Variants in CCDC154 observed in about 807,000 individuals in gnomAD.
The protein encoded by CCDC154 is coiled-coil domain-containing protein 154.
A neutral mutation model predicts 87.5 loss-of-function variants in CCDC154; 91 were observed. The ratio of observed to expected loss-of-function variants is 1.04; its 90% CI spans 0.88 to 1.24. The LOEUF (loss-of-function observed/expected upper bound fraction) is 1.24, where lower values mean the gene tolerates loss of function less well. Ranked by LOEUF, CCDC154 falls within the 50% of genes most tolerant of loss-of-function variation. The pLI, the probability that CCDC154 is intolerant of heterozygous loss-of-function variation, is 0.00. For synonymous variants in CCDC154, 418 were observed against 400.4 expected, an observed-to-expected ratio of 1.04 and a Z score of -0.52; for missense variants, 903 against 879.2, an observed-to-expected ratio of 1.03 and a Z score of -0.34.
Position 1,434,449 on chromosome 16 carries a change from G to A in CCDC154, c.1963C>T (p.Gln655Ter). Reference sequence around the variant, plus strand: ...AGTGAGGGTGTGAGCTGCTGCACCTGCTCCTGGCTGTGGGGCTTCTCCAGG... The same window carrying A: ...AGTGAGGGTGTGAGCTGCTGCACCTACTCCTGGCTGTGGGGCTTCTCCAGG... ...GVLEKPHSQE[Q>*]VQQLTPSLFI... Residue 655 changes from glutamine to a stop codon, truncating the protein, a stop_gained, in exon 17 of 17, where the codon CAG (glutamine) becomes TAG (stop). Transcript: ENST00000389176. LOFTEE classifies it low-confidence loss of function (END_TRUNC). 6.5e-7 allele frequency: 1 copy of A among 1,550,252 alleles called. No homozygotes were observed. The highest frequency in any genetic ancestry group is 2.0e-5 in the Admixed American group (1 of 51,002).
chr16:1,434,601 G>T, intron 16 of CCDC154, 67 bp from the exon 17 acceptor site: 1 of 1,502,134 alleles, frequency 6.7e-7, no homozygotes, highest in East Asian at 2.5e-5. Flanking sequence ...CCTGCTGCCT[G>T]TGGGCCCCCA....
In CCDC154 at chr16:1,443,526, G is replaced by A; in HGVS notation, c.394C>T (p.Pro132Ser). Reference protein sequence around the residue: ...QQEARPAAQAPEKEAPEFSGL... With the variant: ...QQEARPAAQASEKEAPEFSGL... ...CTCACCTCCGGCGCCTCCTTTTCGG[G>A]GGCCTGGGCTGCCGGCCGCGCCTCC... The change falls in exon 3 of 17, where the codon CCC becomes TCC. Residue 132 changes from proline to serine, a missense_variant. Coordinates refer to ENST00000389176, the MANE Select transcript of CCDC154 (RefSeq NM_001143980.3). The A allele has an allele frequency of 6.8e-7, 1 of 1,476,310 alleles. No homozygotes were observed. The highest frequency in any genetic ancestry group is 1.4e-5 in the African/African-American group (1 of 70,156). The allele number at this position is 1,476,310 out of a possible 1,614,324, so 91.5% of individuals were successfully genotyped here. A position where few individuals can be genotyped will look rare whatever the true frequency, so the allele number is the denominator to read the frequency against.
chr16:1,434,628 C>A, intron 16 of CCDC154, 40 bp downstream of exon 16: 2 of 1,538,830 alleles, frequency 1.3e-6, no homozygotes. Context: ...AACCCCGGCC[C>A]AAAGGCCCAG....
rs965963730 is a variant in CCDC154, at chr16:1,443,981, C to T, written c.39G>A (p.Ser13=). The T allele has an allele frequency of 1.2e-5, 16 of 1,301,922 alleles. No homozygotes were observed. Among genetic ancestry groups the T allele is most frequent in the Middle Eastern group, 2.1e-4 (1 of 4,716 alleles). The allele number at this position is 1,301,922 out of a possible 1,614,324, so 80.6% of individuals were successfully genotyped here. The change falls in exon 2 of 17, where the codon TCG becomes TCA. Residue 13 remains serine (S), a synonymous_variant. Coordinates refer to ENST00000389176, the MANE Select transcript of CCDC154 (RefSeq NM_001143980.3). ...TGACGGCTCTCAGCTGGGAAGGGGC[C>T]GATGCCCCTGAGGGTCCACTGTCAG... ...ELADSGPSGA[S]APSQLRAVTL...
chr16:1,438,219 C>T (rs2038519842), intron 9 of CCDC154, 43 bp from the exon 10 acceptor site: 3 of 1,474,970 alleles, frequency 2.0e-6, no homozygotes, highest in South Asian at 1.4e-5. Context: ...GGAGCCTGCC[C>T]ACCTCTCAGC....
Position 1,434,761 on chromosome 16 carries a change from A to C in CCDC154, c.1784T>G (p.Leu595Arg). ...PRTPLGSWKA[L>R]PSLVRPRVFI... is the part of the protein sequence containing the mutation. The stretch of plus-strand genomic sequence containing the variant: ...GACCCGCGGCCTCACCAGGGATGGG[A>C]GCGCCTTCCAGCTGCCCAGCGGCGT... Residue 595 changes from leucine (L) to arginine (R), a missense_variant, in exon 16 of 17, where the codon CTC (leucine) becomes CGC (arginine). Coordinates refer to ENST00000389176, the MANE Select transcript of CCDC154 (RefSeq NM_001143980.3). 1 of 1,544,830 alleles carries C rather than the reference A, an allele frequency of 6.5e-7. No individual in the cohort carries two copies. Among genetic ancestry groups the C allele is most frequent in the Non-Finnish European group, 8.7e-7 (1 of 1,146,754 alleles).
rs2038502966 is a variant in CCDC154, at chr16:1,436,471, G to A, written c.1461C>T (p.Leu487=). The part of the protein sequence containing the change: ...KCLLHKSDSD[L]RISAEGKARE... Reference sequence around the variant, plus strand: ...TGGCCTTGCCTTCGGCGGAAATCCTGAGGTCTGAGTCGCTCTTATGAAGCA... The same window carrying A: ...TGGCCTTGCCTTCGGCGGAAATCCTAAGGTCTGAGTCGCTCTTATGAAGCA... Residue 487 remains leucine, a synonymous_variant, in exon 13 of 17, where the codon CTC becomes CTT. Transcript: ENST00000389176. 1.3e-6 allele frequency: 2 copies of A among 1,548,970 alleles called. No individual in the cohort carries two copies. The highest frequency in any genetic ancestry group is 1.7e-6 in the Non-Finnish European group (2 of 1,146,946).
rs1305786938 is a variant in CCDC154 at position 1,434,479 on chromosome 16, C to T, written c.1933G>A (p.Gly645Arg). Residue 645 changes from glycine to arginine, a missense_variant, in exon 17 of 17, where the codon GGG becomes AGG. Transcript: ENST00000389176. ...IKLRALRRPG[G>R]VLEKPHSQEQ... ...TGGCTGTGGGGCTTCTCCAGGACCC[C>T]TCCTGGCCTCCGCAGGGCCCTGAGC... is the stretch of plus-strand genomic sequence containing the variant. 2 of 1,549,944 alleles carry T rather than the reference C, an allele frequency of 1.3e-6. No individual in the cohort carries two copies. The highest frequency in any genetic ancestry group is 1.4e-5 in the African/African-American group (1 of 73,154).
intron 4 of CCDC154, 82 bp from the exon 5 acceptor site, chr16:1,443,057 T>A: frequency 6.7e-7 from 1 of 1,483,340 alleles, no homozygotes; most frequent in Non-Finnish European, 9.2e-7. Flanking sequence ...AAGGGGCCCC[T>A]GTGGCCACCT....
At chr16:1,443,082 G>A (rs2038569604) in intron 4 of CCDC154, 107 bp from the exon 5 acceptor site, 4 of 1,433,358 alleles carry the variant, frequency 2.8e-6, no homozygotes, top group South Asian at 2.5e-5. Flanking sequence ...TGGCTTTCCT[G>A]GGCCTCTGAA....
Position 1,444,380 on chromosome 16 carries a change from C to T in CCDC154, c.-58G>A. On this transcript the variant is annotated 5_prime_UTR_variant, in exon 1 of 17. Transcript: ENST00000389176. ...GGCTGTAGCTTGGGCCTTGGGGCCT[C>T]TGAGGTTGCCCAGAGCTGGGCACAG... 2.3e-6 allele frequency: 3 copies of T among 1,292,862 alleles called. No individual in the cohort carries two copies. In the South Asian group the frequency reaches 3.7e-5, roughly 16 times the overall value. The allele number at this position is 1,292,862 out of a possible 1,614,324, so 80.1% of individuals were successfully genotyped here.
intron 14 of CCDC154, among the ~76,000 whole-genome samples, chr16:1,435,472 G>T (rs113641578): frequency 2.0e-5 from 3 of 152,232 alleles, no homozygotes; most frequent in African/African-American, 7.2e-5. Flanking sequence ...AACTGCCAGA[G>T]GCTGAGACAA....
At chr16:1,441,473 T>G (rs1053560983) in intron 6 of CCDC154, among the ~76,000 whole-genome samples, 16 of 152,170 alleles carry the variant, frequency 1.1e-4, no homozygotes, top group African/African-American at 3.6e-4. Context: ...AATGTGCAGC[T>G]GCCCGTTCCC....
chr16:1,443,153 C>G, intron 4 of CCDC154, 108 bp downstream of exon 4: 1 of 1,415,588 alleles, frequency 7.1e-7, no homozygotes, highest in Non-Finnish European at 9.6e-7. Flanking sequence ...GTATCCCCCA[C>G]TCCAGCGACA....
In CCDC154 at chr16:1,439,032, A is replaced by T; in HGVS notation, c.770T>A (p.Leu257Gln). ...CGFLQKSFLA[L>Q]EKRMKASESS... is the part of the protein sequence containing the mutation. ...CCGCGGGCAGGCTCCCACCTTCTCCAGGGCCAGGAAGCTCTTCTGCAGGAA... is the reference window on the plus strand; with the variant it reads ...CCGCGGGCAGGCTCCCACCTTCTCCTGGGCCAGGAAGCTCTTCTGCAGGAA... The change falls in exon 7 of 17, where the codon CTG becomes CAG. Residue 257 changes from leucine to glutamine, a missense_variant. Physicochemically the swap from Leu to Gln is moderately radical, Grantham distance 113 (BLOSUM62 -2). Transcript: ENST00000389176. 1 of 1,550,232 alleles carries T rather than the reference A, an allele frequency of 6.5e-7. No homozygotes were observed. Among genetic ancestry groups the T allele is most frequent in the Non-Finnish European group, 8.7e-7 (1 of 1,146,892 alleles).
chr16:1,440,421 G>C (rs1007455908), intron 6 of CCDC154, among the ~76,000 whole-genome samples: 2 of 150,862 alleles, frequency 1.3e-5, no homozygotes, highest in African/African-American at 4.9e-5. Context: ...CTGCACTCCA[G>C]CCTGGGCAAC....
intron 9 of CCDC154, 184 bp from the exon 10 acceptor site, chr16:1,438,360 A>G: frequency 1.2e-6 from 1 of 815,290 alleles, no homozygotes; most frequent in Non-Finnish European, 1.8e-6. Context: ...ATGGGCGTTC[A>G]CTCCCCACGG....
chr16:1,439,328 T>C (rs2038531064), intron 6 of CCDC154: 1 of 594,126 alleles, frequency 1.7e-6, no homozygotes, highest in Admixed American at 2.9e-5. Flanking sequence ...CAACCAGGCA[T>C]GGGTTTGTGA....
intron 14 of CCDC154, 94 bp downstream of exon 14, chr16:1,435,875 T>C: frequency 9.3e-7 from 1 of 1,077,496 alleles, no homozygotes; most frequent in Admixed American, 2.2e-5. Context: ...AAATGCCCCG[T>C]AGGCTGGGGG....
Sources: gnomAD v4.1 joint callset for allele counts (sites outside exome capture counted in the v4.1 genomes callset) on GRCh38, gnomAD v4.1.1 for gene constraint, MANE v1.5 for transcripts, NCBI Gene and HGNC (gene_info 2026-07-23, HGNC 2026-07-21) for gene names.